C14orf132: variants seen among roughly 807,000 people sequenced by gnomAD.
The protein encoded by C14orf132 is uncharacterized protein C14orf132.
C14orf132 carries 6 observed loss-of-function variants against 5.8 expected under a neutral mutation model. That is an observed-to-expected ratio of 1.03 (90% CI 0.57 to 2.04). The LOEUF (loss-of-function observed/expected upper bound fraction) is 2.04. Ranked by LOEUF, C14orf132 falls within the 30% of genes most tolerant of loss-of-function variation. The pLI, the probability that C14orf132 is intolerant of heterozygous loss-of-function variation, is 0.00. For synonymous variants in C14orf132, 51 were observed against 49.8 expected (o/e 1.02, Z -0.10); for missense variants, 125 against 115.8 (o/e 1.08, Z -0.37).
rs569153653 is a variant in C14orf132 at position 96,061,946 on chromosome 14, A to G, written c.27+22419A>G. On this transcript the variant is annotated intron_variant, in intron 1 of 1. Transcript: ENST00000555004. Reference sequence around the variant, plus strand: ...AATAGATAAATAAATAAATAAACAAACATCTCAACATAATTCCACAGCTTT... The same window carrying G: ...AATAGATAAATAAATAAATAAACAAGCATCTCAACATAATTCCACAGCTTT... 7.2e-5 allele frequency among the ~76,000 whole-genome samples: 11 copies of G among 152,240 alleles called. No individual in the cohort carries two copies. In the South Asian group the frequency reaches 2.1e-3, roughly 29 times the overall value.
intron 1 of C14orf132, among the ~76,000 whole-genome samples, chr14:96,083,432 G>A (rs986429417): frequency 3.9e-5 from 6 of 152,176 alleles, no homozygotes; most frequent in African/African-American, 1.4e-4. Context: ...ACCGTTCATG[G>A]CCAAAAGGAC....
At chr14:96,078,841 C>A (rs1359800035) in intron 1 of C14orf132, among the ~76,000 whole-genome samples, 2 of 152,234 alleles carry the variant, frequency 1.3e-5, no homozygotes, top group Admixed American at 6.5e-5. Context: ...AGCCTCCCAG[C>A]AGTTCCTGCT....
chr14:96,053,619 C>T (rs987282482), intron 1 of C14orf132, among the ~76,000 whole-genome samples: 1 of 152,198 alleles, frequency 6.6e-6, no homozygotes, highest in African/African-American at 2.4e-5. Context: ...CAGGCTGAGC[C>T]CCAACAGCAG....
intron 1 of C14orf132, among the ~76,000 whole-genome samples, chr14:96,043,158 C>A (rs939189997): frequency 1.8e-4 from 28 of 152,198 alleles, no homozygotes; most frequent in African/African-American, 6.5e-4. Flanking sequence ...AGTCTAGTGG[C>A]TTTCTTGGTG....
chr14:96,054,141 T>G (rs963275253), intron 1 of C14orf132, among the ~76,000 whole-genome samples: 5 of 152,190 alleles, frequency 3.3e-5, no homozygotes, highest in African/African-American at 1.2e-4. Context: ...GCACAGACTG[T>G]AATGTGCCAG....
chr14:96,069,920 T>G (rs1887654790), intron 1 of C14orf132, among the ~76,000 whole-genome samples: 1 of 152,256 alleles, frequency 6.6e-6, no homozygotes. Context: ...AGGAGAAGTC[T>G]TCAAACCTGT....
intron 1 of C14orf132, among the ~76,000 whole-genome samples, chr14:96,081,611 C>CT (rs1022832994): frequency 5.3e-4 from 81 of 152,210 alleles, no homozygotes; most frequent in African/African-American, 1.8e-3. Context: ...TTTTTGTTTT[C>CT]TTTTTTTGAG....
At chr14:96,056,207 T>C (rs1190462274) in intron 1 of C14orf132, among the ~76,000 whole-genome samples, 1 of 152,204 alleles carries the variant, frequency 6.6e-6, no homozygotes, top group Non-Finnish European at 1.5e-5. Context: ...CTCTTGCAGC[T>C]CACTCAGCAT....
At chr14:96,057,480 G>T (rs143617179) in intron 1 of C14orf132, among the ~76,000 whole-genome samples, 3 of 152,142 alleles carry the variant, frequency 2.0e-5, no homozygotes, top group South Asian at 4.1e-4. Context: ...AACGAAGACC[G>T]GTTCCAATGG....
chr14:96,041,994 G>C (rs1313512526), intron 1 of C14orf132, among the ~76,000 whole-genome samples: 12 of 152,218 alleles, frequency 7.9e-5, no homozygotes, highest in African/African-American at 2.4e-4. Flanking sequence ...TTTATTAGAG[G>C]ATTGGATGAG....
chr14:96,039,643 C>A lies in C14orf132; in HGVS notation c.27+116C>A, dbSNP rs1050345503. ...TGGCGCCCGCCCGCGATCCGCGTCCCGGTCCTTTGTCCCGAGCCGGACACC... is the reference window on the plus strand; with the variant it reads ...TGGCGCCCGCCCGCGATCCGCGTCCAGGTCCTTTGTCCCGAGCCGGACACC... On this transcript the variant is annotated intron_variant, in intron 1 of 1. Coordinates refer to ENST00000555004, the MANE Select transcript of C14orf132 (RefSeq NM_001252507.3). The surrounding 1 kb of genome is among the most constrained non-coding windows in gnomAD (Gnocchi z 5.3). 2 of 1,131,792 alleles carry A rather than the reference C, an allele frequency of 1.8e-6. No homozygotes were observed. The highest frequency in any genetic ancestry group is 1.2e-6 in the Non-Finnish European group (1 of 852,472). The allele number at this position is 1,131,792 out of a possible 1,614,324, so 70.1% of individuals were successfully genotyped here. A position where few individuals can be genotyped will look rare whatever the true frequency, so the allele number is the denominator to read the frequency against.
At chr14:96,074,647 C>T (rs2104291) in intron 1 of C14orf132, among the ~76,000 whole-genome samples, 83,260 of 151,582 alleles carry the variant, frequency 0.55, 23,394 homozygotes, top group East Asian at 0.9. Context: ...TGCATATTGA[C>T]GTCCACTTGT....
intron 1 of C14orf132, among the ~76,000 whole-genome samples, chr14:96,054,367 T>A (rs541558159): frequency 6.6e-6 from 1 of 152,190 alleles, no homozygotes; most frequent in South Asian, 2.1e-4. Flanking sequence ...GTAGTTATGA[T>A]ACGTTGCCAC....
intron 1 of C14orf132, among the ~76,000 whole-genome samples, chr14:96,069,429 C>G (rs1595182514): frequency 2.0e-5 from 3 of 151,758 alleles, no homozygotes; most frequent in Non-Finnish European, 4.4e-5. Flanking sequence ...AATTTAGTTT[C>G]TGGTTCTTTG....
chr14:96,049,498 GTA>G (rs1886937199), intron 1 of C14orf132, among the ~76,000 whole-genome samples: 2 of 139,158 alleles, frequency 1.4e-5, no homozygotes, highest in Non-Finnish European at 3.1e-5. Context: ...ATATATATAC[GTA>G]TATATACGTA....
At chr14:96,058,063 T>C (rs1051716926) in intron 1 of C14orf132, among the ~76,000 whole-genome samples, 2 of 152,116 alleles carry the variant, frequency 1.3e-5, no homozygotes, top group African/African-American at 2.4e-5. Context: ...GAAGTCGAGA[T>C]TACAATTAAG....
In C14orf132 at chr14:96,086,813, GT is replaced by G; in HGVS notation, c.*79del. ...TTGCTGTCGGCCTTTGGCTTCTCCT[GT>G]GTTCTAGAACCAGGAGTTTTGACCA... On this transcript the variant is annotated 3_prime_UTR_variant, in exon 2 of 2. Transcript: ENST00000555004. The G allele has an allele frequency of 2.1e-6, 3 of 1,407,260 alleles. No individual in the cohort carries two copies. Among genetic ancestry groups the G allele is most frequent in the Non-Finnish European group, 2.9e-6 (3 of 1,041,124 alleles). The allele number at this position is 1,407,260 out of a possible 1,614,324, so 87.2% of individuals were successfully genotyped here. A position where few individuals can be genotyped will look rare whatever the true frequency, so the allele number is the denominator to read the frequency against.
At chr14:96,063,232 G>A (rs1285058280) in intron 1 of C14orf132, among the ~76,000 whole-genome samples, 4 of 152,120 alleles carry the variant, frequency 2.6e-5, no homozygotes. Context: ...AGGGTGAATA[G>A]GATGGAGGTT....
intron 1 of C14orf132, among the ~76,000 whole-genome samples, chr14:96,079,079 A>AC (rs1270976483): frequency 5.3e-5 from 8 of 152,020 alleles, no homozygotes; most frequent in African/African-American, 1.9e-4. Context: ...AAGAGACCCC[A>AC]CTCTGGAGAC....
Sources: gnomAD v4.1 joint callset for allele counts (sites outside exome capture counted in the v4.1 genomes callset) on GRCh38, gnomAD v4.1.1 for gene constraint, Gnocchi (gnomAD v3.1) non-coding constraint, MANE v1.5 for transcripts, NCBI Gene and HGNC (gene_info 2026-07-23, HGNC 2026-07-21) for gene names.